IGLON5: variants seen among roughly 807,000 people sequenced by gnomAD.
The protein encoded by IGLON5 is IgLON family member 5.
In IGLON5, 16 loss-of-function variants were observed where a neutral mutation model predicts 38.2. The observed-to-expected ratio is 0.42, with a 90% CI of 0.28 to 0.64. The LOEUF (loss-of-function observed/expected upper bound fraction) is 0.64. Ranked by LOEUF, IGLON5 falls within the 30% of genes least tolerant of loss-of-function variation. The probability of loss-of-function intolerance (pLI) is 0.23; values close to 1 mark genes in which losing one functional copy is unlikely to be tolerated. For synonymous variants in IGLON5, 207 were observed against 216.4 expected, an observed-to-expected ratio of 0.96 and a Z score of 0.38; for missense variants, 366 against 483.4, an observed-to-expected ratio of 0.76 and a Z score of 2.28.
intron 1 of IGLON5, among the ~76,000 whole-genome samples, chr19:51,315,684 C>T (rs1377636836): frequency 7.3e-6 from 1 of 136,458 alleles, no homozygotes; most frequent in Non-Finnish European, 1.5e-5. Flanking sequence ...AGAGGGAAGT[C>T]AACCTTTTTT....
intron 4 of IGLON5, among the ~76,000 whole-genome samples, 160 bp from the exon 5 acceptor site, chr19:51,326,604 C>T (rs547135056): frequency 2.0e-5 from 3 of 151,226 alleles, no homozygotes; most frequent in South Asian, 4.2e-4. Context: ...GATCCCAGGC[C>T]CCCGGCCCTG....
intron 2 of IGLON5, 100 bp from the exon 3 acceptor site, chr19:51,323,562 C>T: frequency 1.1e-6 from 1 of 938,262 alleles, no homozygotes; most frequent in Non-Finnish European, 1.6e-6. Context: ...GTGGTGGGAC[C>T]TGGAGATGCG....
In IGLON5 at chr19:51,323,833, C is replaced by T; in HGVS notation, c.330C>T (p.Tyr110=). The T allele has an allele frequency of 6.2e-7, 1 of 1,613,854 alleles. No homozygotes were observed. Among genetic ancestry groups the T allele is most frequent in the Non-Finnish European group, 8.5e-7 (1 of 1,179,856 alleles). The stretch of plus-strand genomic sequence containing the variant: ...TGGGGCTCGGCGACGAGGGCCTCTA[C>T]ACCTGCTCCTTCCAGACCCGCCACC... ...TEVGLGDEGL[Y]TCSFQTRHQP... Residue 110 remains tyrosine (Y), a synonymous_variant, in exon 3 of 8, where the codon TAC becomes TAT. Coordinates refer to ENST00000270642, the MANE Select transcript of IGLON5 (RefSeq NM_001101372.3).
rs1370644143 is a variant in IGLON5 at position 51,311,665 on chromosome 19, G to A, written c.-183G>A. Among the ~76,000 whole-genome samples the A allele has an allele frequency of 9.9e-6, 1 of 100,522 alleles. No individual in the cohort carries two copies. Among genetic ancestry groups the A allele is most frequent in the Non-Finnish European group, 2.0e-5 (1 of 50,984 alleles). The allele number at this position is 100,522 out of a possible 152,430, so 65.9% of individuals were successfully genotyped here. A position where few individuals can be genotyped will look rare whatever the true frequency, so the allele number is the denominator to read the frequency against. ...GCCCGTCAGCGCCGCCCCCCTCCCC[G>A]GGTCTGCAGCAGCTCCAGCCGCCTC... On this transcript the variant is annotated 5_prime_UTR_variant, in exon 1 of 8. Coordinates refer to ENST00000270642, the MANE Select transcript of IGLON5 (RefSeq NM_001101372.3).
intron 1 of IGLON5, among the ~76,000 whole-genome samples, chr19:51,316,592 C>T (rs1984932899): frequency 6.7e-6 from 1 of 150,348 alleles, no homozygotes; most frequent in African/African-American, 2.4e-5. Flanking sequence ...ATCCTGGGTT[C>T]AAGCAATTCT....
At chr19:51,317,225 G>T (rs964624526) in intron 1 of IGLON5, among the ~76,000 whole-genome samples, 7 of 152,202 alleles carry the variant, frequency 4.6e-5, no homozygotes, top group African/African-American at 1.7e-4. Flanking sequence ...CAGGGAACAA[G>T]TGAGCCCTCT....
chr19:51,313,573 TTTTC>T (rs937459126), intron 1 of IGLON5, among the ~76,000 whole-genome samples: 49 of 149,868 alleles, frequency 3.3e-4, no homozygotes, highest in African/African-American at 1.1e-3. Context: ...CCTTTCTCTT[TTTTC>T]TTTCTCTTTC....
At chr19:51,322,010 C>T in intron 1 of IGLON5, 54 bp from the exon 2 acceptor site, 1 of 1,444,642 alleles carries the variant, frequency 6.9e-7, no homozygotes, top group Non-Finnish European at 9.7e-7. Flanking sequence ...CAGGTGCTAC[C>T]ATGCCCGGGC....
rs936164778 is a variant in IGLON5, at chr19:51,322,263, C to G, written c.158+121C>G. On this transcript the variant is annotated intron_variant, in intron 2 of 7. Transcript: ENST00000270642. ...CTGGGATGGGAAGACTTGGGCTCCACATTCCCCCTCAGTAGCGACACAGCT... is the reference window on the plus strand; with the variant it reads ...CTGGGATGGGAAGACTTGGGCTCCAGATTCCCCCTCAGTAGCGACACAGCT... 29 of 775,350 alleles carry G rather than the reference C, an allele frequency of 3.7e-5. 1 individual carries two copies. The South Asian group carries it at 4.3e-4, about 12-fold the overall frequency. The allele number at this position is 775,350 out of a possible 1,614,324, so 48.0% of individuals were successfully genotyped here.
At chr19:51,319,757 G>A (rs1035189595) in intron 1 of IGLON5, among the ~76,000 whole-genome samples, 1 of 152,184 alleles carries the variant, frequency 6.6e-6, no homozygotes, top group African/African-American at 2.4e-5. Context: ...CTGGGTGCCT[G>A]TGCAGAGCTG....
In IGLON5 at chr19:51,328,834, C is replaced by A. The variant is rs1370403875; in HGVS notation, c.*75C>A. 2 of 1,091,512 alleles carry A rather than the reference C, an allele frequency of 1.8e-6. No homozygotes were observed. Among genetic ancestry groups the A allele is most frequent in the African/African-American group, 1.6e-5 (1 of 61,518 alleles). The allele number at this position is 1,091,512 out of a possible 1,614,324, so 67.6% of individuals were successfully genotyped here. ...AGTGAGAGAAACGGGGGAGCAAGAG[C>A]CGTGGGTCTCGTGGGGGCAGAAGAG... On this transcript the variant is annotated 3_prime_UTR_variant, in exon 8 of 8. Transcript: ENST00000270642.
intron 2 of IGLON5, 45 bp downstream of exon 2, chr19:51,322,187 C>A: frequency 2.1e-6 from 3 of 1,457,430 alleles, no homozygotes; most frequent in Non-Finnish European, 2.9e-6. Flanking sequence ...TGGAGCCATG[C>A]GGTCCTGCCC....
At position 51,327,912 on chromosome 19, in the gene IGLON5, G is replaced by A; in HGVS notation, c.922+26G>A. 1 of 1,473,146 alleles carries A rather than the reference G, an allele frequency of 6.8e-7. No individual in the cohort carries two copies. Among genetic ancestry groups the A allele is most frequent in the Non-Finnish European group, 9.0e-7 (1 of 1,111,672 alleles). The allele number at this position is 1,473,146 out of a possible 1,614,324, so 91.3% of individuals were successfully genotyped here. A position where few individuals can be genotyped will look rare whatever the true frequency, so the allele number is the denominator to read the frequency against. On this transcript the variant is annotated intron_variant, in intron 7 of 7. Coordinates refer to ENST00000270642, the MANE Select transcript of IGLON5 (RefSeq NM_001101372.3). This position sits in a 1 kb window ranked among gnomAD's most constrained non-coding sequence, Gnocchi z 7.1. ...GTGCGTCTTCGGGCGGGGCGGGGCC[G>A]GGAAGGTGGGCGGGGCCGGGGGCGG...
In IGLON5 at chr19:51,325,954, A is replaced by C. The variant is rs1205259748; in HGVS notation, c.511+489A>C. Among the ~76,000 whole-genome samples the C allele has an allele frequency of 6.6e-6, 1 of 152,060 alleles. No individual in the cohort carries two copies. Among genetic ancestry groups the C allele is most frequent in the African/African-American group, 2.4e-5 (1 of 41,396 alleles). ...CAGGAATGCACTTTCCCAGGCTCCA[A>C]CCAAGACCTGCTAAATCCAAAGCTC... On this transcript the variant is annotated intron_variant, in intron 4 of 7. Coordinates refer to ENST00000270642, the MANE Select transcript of IGLON5 (RefSeq NM_001101372.3). This position sits in a 1 kb window ranked among gnomAD's most constrained non-coding sequence, Gnocchi z 5.5.
At chr19:51,323,570 G>A (rs1443074310) in intron 2 of IGLON5, 92 bp from the exon 3 acceptor site, 11 of 1,014,744 alleles carry the variant, frequency 1.1e-5, no homozygotes, top group Non-Finnish European at 1.6e-5. Flanking sequence ...ACCTGGAGAT[G>A]CGGTGGCCTC....
chr19:51,323,605 G>T (rs1985133860), intron 2 of IGLON5, 57 bp from the exon 3 acceptor site: 2 of 1,474,566 alleles, frequency 1.4e-6, no homozygotes, highest in East Asian at 2.4e-5. Context: ...CCCCTCGGTG[G>T]GGGAAGCCTC....
chr19:51,325,407 C>A lies in IGLON5; in HGVS notation c.453C>A (p.Asn151Lys). Residue 151 changes from asparagine to lysine, a missense_variant, in exon 4 of 8, where the codon AAC becomes AAA. Coordinates refer to ENST00000270642, the MANE Select transcript of IGLON5 (RefSeq NM_001101372.3). This position sits in a 1 kb window ranked among gnomAD's most constrained non-coding sequence, Gnocchi z 5.5. The stretch of plus-strand genomic sequence containing the variant: ...CGGTGAATGAGGGGGGCAATGTGAA[C>A]CTGCTTTGCCTGGCCGTGGGGCGGC... ...PVTVNEGGNVNLLCLAVGRPE... is the reference protein window; with the variant it reads ...PVTVNEGGNVKLLCLAVGRPE... 1 of 1,613,850 alleles carries A rather than the reference C, an allele frequency of 6.2e-7. No individual in the cohort carries two copies. The highest frequency in any genetic ancestry group is 8.5e-7 in the Non-Finnish European group (1 of 1,179,794).
At chr19:51,315,279 G>T (rs1007668854) in intron 1 of IGLON5, among the ~76,000 whole-genome samples, 1 of 152,208 alleles carries the variant, frequency 6.6e-6, no homozygotes, top group East Asian at 1.9e-4. Flanking sequence ...TGGTCAGGAG[G>T]GGGCAGGAGC....
chr19:51,327,625 G>C lies in IGLON5; in HGVS notation c.768-107G>C. 2 of 1,471,726 alleles carry C rather than the reference G, an allele frequency of 1.4e-6. No homozygotes were observed. The highest frequency in any genetic ancestry group is 1.8e-6 in the Non-Finnish European group (2 of 1,102,150). The allele number at this position is 1,471,726 out of a possible 1,614,324, so 91.2% of individuals were successfully genotyped here. On this transcript the variant is annotated intron_variant, in intron 6 of 7. Transcript: ENST00000270642. This position sits in a 1 kb window ranked among gnomAD's most constrained non-coding sequence, Gnocchi z 7.1. Reference sequence around the variant, plus strand: ...TAGAACCCGAGGCGATGGGTCACTGGGGTAGGGGGCAGAATGCTGGGTCAC... The same window carrying C: ...TAGAACCCGAGGCGATGGGTCACTGCGGTAGGGGGCAGAATGCTGGGTCAC...
Sources: gnomAD v4.1 joint callset for allele counts (sites outside exome capture counted in the v4.1 genomes callset) on GRCh38, gnomAD v4.1.1 for gene constraint, Gnocchi (gnomAD v3.1) non-coding constraint, MANE v1.5 for transcripts, NCBI Gene and HGNC (gene_info 2026-07-23, HGNC 2026-07-21) for gene names.